RD3: variants seen among roughly 807,000 people sequenced by gnomAD.
RD3 encodes protein RD3.
Under a neutral mutation model 16.9 loss-of-function variants are expected in RD3, and 11 were observed. The ratio of observed to expected loss-of-function variants is 0.65; its 90% CI spans 0.41 to 1.08. The LOEUF (loss-of-function observed/expected upper bound fraction) is 1.08. RD3 is among the 50% of genes least tolerant of loss of function. The pLI is 0.00. For synonymous variants in RD3, 116 were observed against 114.8 expected (o/e 1.01, Z -0.07); for missense variants, 274 against 267.4 (o/e 1.02, Z -0.17).
chr1:211,487,286 G>C (rs1336572081), intron 1 of RD3, among the ~76,000 whole-genome samples: 1 of 152,178 alleles, frequency 6.6e-6, no homozygotes, highest in Non-Finnish European at 1.5e-5. Flanking sequence ...CAGAACTGCT[G>C]TTCTCCCCCT....
chr1:211,488,176 C>T (rs1303679832), intron 1 of RD3, among the ~76,000 whole-genome samples: 1 of 152,216 alleles, frequency 6.6e-6, no homozygotes, highest in Non-Finnish European at 1.5e-5. Context: ...ATTCAGTAAA[C>T]TATACAAATC....
At chr1:211,483,292 T>C (rs565662108) in intron 1 of RD3, among the ~76,000 whole-genome samples, 92 of 149,984 alleles carry the variant, frequency 6.1e-4, no homozygotes, top group Admixed American at 1.6e-3. Context: ...TGAAACCCCA[T>C]CTCTACTAAG....
rs528315537 is a variant in RD3, at chr1:211,478,828, C to G, written c.*208G>C. 8.1e-5 allele frequency: 47 copies of G among 579,686 alleles called. No individual in the cohort carries two copies. Among genetic ancestry groups the G allele is most frequent in the African/African-American group, 7.9e-4 (42 of 53,366 alleles). The allele number at this position is 579,686 out of a possible 1,614,324, so 35.9% of individuals were successfully genotyped here. A position where few individuals can be genotyped will look rare whatever the true frequency, so the allele number is the denominator to read the frequency against. ...GCGCAGGAGAGGGAGAGGGCGGTGC[C>G]GCTCTACGACCTAACTCAGCTTTGT... On this transcript the variant is annotated 3_prime_UTR_variant, in exon 3 of 3. Transcript: ENST00000680073.
At chr1:211,486,470 G>A (rs1705376706) in intron 1 of RD3, among the ~76,000 whole-genome samples, 1 of 152,072 alleles carries the variant, frequency 6.6e-6, no homozygotes, top group Non-Finnish European at 1.5e-5. Flanking sequence ...TTGCACTCCA[G>A]CCTGGGCAAC....
In RD3 at chr1:211,477,915, T is replaced by C. The variant is rs1334031608; in HGVS notation, c.*1121A>G. On this transcript the variant is annotated 3_prime_UTR_variant, in exon 3 of 3. Transcript: ENST00000680073. ...CCTGGCCTTCCAGATTTTCCATGGG[T>C]GATCCACACATTGGGTAATCCACAT... is the stretch of plus-strand genomic sequence containing the variant. The C allele has an allele frequency of 1.0e-5, 4 of 392,508 alleles. No homozygotes were observed. The highest frequency in any genetic ancestry group is 1.8e-5 in the Non-Finnish European group (4 of 223,008). The allele number at this position is 392,508 out of a possible 1,614,324, so 24.3% of individuals were successfully genotyped here.
At chr1:211,491,133 C>G (rs998714314) in intron 1 of RD3, among the ~76,000 whole-genome samples, 1 of 152,138 alleles carries the variant, frequency 6.6e-6, no homozygotes, top group African/African-American at 2.4e-5. Flanking sequence ...ATCCCTTGGT[C>G]GCAGCTGGAC....
chr1:211,490,302 A>C (rs1705459152), intron 1 of RD3, among the ~76,000 whole-genome samples: 3 of 152,344 alleles, frequency 2.0e-5, no homozygotes, highest in African/African-American at 4.8e-5. Context: ...GCCCCAGCCA[A>C]ACAGTGAGGG....
chr1:211,481,276 C>A lies in RD3; in HGVS notation c.140G>T (p.Arg47Leu). 1 of 1,614,254 alleles carries A rather than the reference C, an allele frequency of 6.2e-7. No homozygotes were observed. The highest frequency in any genetic ancestry group is 1.1e-5 in the South Asian group (1 of 91,088). ...GCAGACCTTTCTGACCGCATTGCTG[C>A]GCTCCCGCTGCTGCCTCTCAGCCTC... is the stretch of plus-strand genomic sequence containing the variant. ...MREAERQQRE[R>L]SNAVRKVCTG... The change falls in exon 2 of 3, where the codon CGC becomes CTC. Residue 47 changes from arginine (R) to leucine (L), a missense_variant. Arg to Leu is a moderately radical substitution (Grantham distance 102, BLOSUM62 -2). Transcript: ENST00000680073.
intron 1 of RD3, among the ~76,000 whole-genome samples, chr1:211,482,886 C>T (rs1219212723): frequency 6.6e-6 from 1 of 151,982 alleles, no homozygotes; most frequent in South Asian, 2.1e-4. Flanking sequence ...TCTGCTTAGA[C>T]CCTCCATACG....
chr1:211,480,117 T>G (rs1305399072), intron 2 of RD3, among the ~76,000 whole-genome samples: 1 of 152,092 alleles, frequency 6.6e-6, no homozygotes, highest in African/African-American at 2.4e-5. Flanking sequence ...GATTCCCTTT[T>G]CAGCAGCTCC....
chr1:211,478,939 G>T lies in RD3; in HGVS notation c.*97C>A. On this transcript the variant is annotated 3_prime_UTR_variant, in exon 3 of 3. Coordinates refer to ENST00000680073, the MANE Select transcript of RD3 (RefSeq NM_001164688.2). ...GGCCGCCTCTTGGGTCTCCTCGTCA[G>T]GCCTAGGTGGGGAGGTTCCAGGGCC... 1 of 1,207,640 alleles carries T rather than the reference G, an allele frequency of 8.3e-7. No individual in the cohort carries two copies. Among genetic ancestry groups the T allele is most frequent in the Non-Finnish European group, 1.1e-6 (1 of 885,536 alleles). 74.8% of individuals were successfully genotyped at this position (1,207,640 alleles called of 1,614,324 possible). A position where few individuals can be genotyped will look rare whatever the true frequency, so the allele number is the denominator to read the frequency against.
At chr1:211,488,915 C>T (rs1445874462) in intron 1 of RD3, among the ~76,000 whole-genome samples, 1 of 152,182 alleles carries the variant, frequency 6.6e-6, no homozygotes, top group Non-Finnish European at 1.5e-5. Flanking sequence ...GGTGGCCTGG[C>T]TGCACCCCCA....
chr1:211,486,013 C>T (rs1338702681), intron 1 of RD3, among the ~76,000 whole-genome samples: 2 of 150,952 alleles, frequency 1.3e-5, no homozygotes, highest in South Asian at 2.1e-4. Flanking sequence ...TTGTGGCATG[C>T]GCCTGTAGTT....
chr1:211,478,768 C>G lies in RD3; in HGVS notation c.*268G>C. 2.0e-6 allele frequency: 1 copy of G among 489,870 alleles called. No individual in the cohort carries two copies. The highest frequency in any genetic ancestry group is 3.6e-6 in the Non-Finnish European group (1 of 277,212). 30.3% of individuals were successfully genotyped at this position (489,870 alleles called of 1,614,324 possible). The stretch of plus-strand genomic sequence containing the variant: ...TGGTCTGTCTTCCAAAACCTTGAAT[C>G]TGCCAGTTAGGGAAGGGGCTGCTCC... On this transcript the variant is annotated 3_prime_UTR_variant, in exon 3 of 3. Coordinates refer to ENST00000680073, the MANE Select transcript of RD3 (RefSeq NM_001164688.2).
intron 1 of RD3, among the ~76,000 whole-genome samples, chr1:211,488,398 G>C (rs907152505): frequency 6.6e-6 from 1 of 152,090 alleles, no homozygotes; most frequent in Non-Finnish European, 1.5e-5. Flanking sequence ...AGCCAGGTGT[G>C]GTTGCAGATG....
chr1:211,485,815 T>A (rs1236414020), intron 1 of RD3, among the ~76,000 whole-genome samples: 1 of 152,142 alleles, frequency 6.6e-6, no homozygotes, highest in Non-Finnish European at 1.5e-5. Flanking sequence ...TCAAAGGCAC[T>A]TACAACCTGC....
At chr1:211,491,211 G>A (rs190037221) in intron 1 of RD3, among the ~76,000 whole-genome samples, 28 of 152,304 alleles carry the variant, frequency 1.8e-4, no homozygotes, top group South Asian at 8.3e-4. Context: ...ACTCTCCTGG[G>A]CATGTTATCA....
intron 1 of RD3, among the ~76,000 whole-genome samples, chr1:211,487,725 G>A (rs1326723728): frequency 1.3e-5 from 2 of 152,178 alleles, no homozygotes; most frequent in East Asian, 1.9e-4. Flanking sequence ...CTTCACCCAC[G>A]AGCCTGGGCA....
intron 1 of RD3, among the ~76,000 whole-genome samples, chr1:211,485,629 G>A (rs1045875651): frequency 1.3e-5 from 2 of 152,138 alleles, no homozygotes; most frequent in East Asian, 1.9e-4. Flanking sequence ...CAGAAAGAGT[G>A]ACCTTTGGTG....
Sources: allele counts gnomAD v4.1 joint callset (sites outside exome capture counted in the v4.1 genomes callset), GRCh38; gene constraint gnomAD v4.1.1; transcripts MANE v1.5; gene names NCBI Gene and HGNC (gene_info 2026-07-23, HGNC 2026-07-21).